PSMB7: variants seen among roughly 807,000 people sequenced by gnomAD.
The protein encoded by PSMB7 is proteasome 20S subunit beta 7.
A neutral mutation model predicts 28.1 loss-of-function variants in PSMB7; 5 were observed. The observed-to-expected ratio is 0.18, with a 90% CI of 0.09 to 0.37. PSMB7 has a LOEUF of 0.37. PSMB7 is among the 10% of genes least tolerant of loss of function. PSMB7 has a pLI of 1.00. For synonymous variants in PSMB7, 122 were observed against 123.7 expected (o/e 0.99, Z 0.09); for missense variants, 275 against 346.2 (o/e 0.79, Z 1.63).
At chr9:124,406,116 C>T (rs1215141769) in intron 4 of PSMB7, among the ~76,000 whole-genome samples, 1 of 152,194 alleles carries the variant, frequency 6.6e-6, no homozygotes, top group East Asian at 1.9e-4. Context: ...GCACTTTTCC[C>T]ATCACACCTC....
rs375425129 is a variant in PSMB7, at chr9:124,414,940, G to A, written c.63-5C>T. On this transcript the variant is annotated splice_polypyrimidine_tract_variant and splice_region_variant and intron_variant, in intron 1 of 7. Transcript: ENST00000259457. ...TCGGCTTCCAAGACGGCATTCCTAA[G>A]AGCAAATGAGAGAATCAAGTGTTGA... 27 of 1,598,310 alleles carry A rather than the reference G, an allele frequency of 1.7e-5. No individual in the cohort carries two copies. Among genetic ancestry groups the A allele is most frequent in the Non-Finnish European group, 2.3e-5 (27 of 1,167,382 alleles).
intron 5 of PSMB7, among the ~76,000 whole-genome samples, chr9:124,395,789 A>G (rs1203600887): frequency 6.6e-6 from 1 of 152,234 alleles, no homozygotes; most frequent in Non-Finnish European, 1.5e-5. Flanking sequence ...AGCTGGGACC[A>G]AAGCAAGGGC....
At chr9:124,370,346 A>T (rs1830548404) in intron 6 of PSMB7, among the ~76,000 whole-genome samples, 2 of 149,868 alleles carry the variant, frequency 1.3e-5, no homozygotes, top group Non-Finnish European at 2.9e-5. Flanking sequence ...CCTACACTTG[A>T]TATAGGCTGT....
At chr9:124,386,707 C>T (rs2147057) in intron 5 of PSMB7, among the ~76,000 whole-genome samples, 4,470 of 152,252 alleles carry the variant, frequency 0.029, 229 homozygotes, top group African/African-American at 0.1. Context: ...TAGGAGCTAA[C>T]AACTTGTGGA....
rs1830357456 is a variant in PSMB7, at chr9:124,353,588, C to G, written c.*10G>C. ...TTCCAGAACCGCGGCCAGCCACCCA[C>G]TGATGCCATTCAGGAAGTGTCCATT... On this transcript the variant is annotated 3_prime_UTR_variant, in exon 8 of 8. Transcript: ENST00000259457. The G allele has an allele frequency of 6.3e-7, 1 of 1,596,176 alleles. No homozygotes were observed. The highest frequency in any genetic ancestry group is 1.1e-5 in the South Asian group (1 of 90,700).
intron 6 of PSMB7, among the ~76,000 whole-genome samples, chr9:124,357,138 C>G (rs1016793887): frequency 6.6e-6 from 1 of 152,198 alleles, no homozygotes; most frequent in Non-Finnish European, 1.5e-5. Flanking sequence ...CGCCTCTTGA[C>G]CACATCAGAC....
intron 6 of PSMB7, among the ~76,000 whole-genome samples, chr9:124,372,397 T>C (rs924999450): frequency 1.3e-5 from 2 of 152,226 alleles, no homozygotes; most frequent in Non-Finnish European, 2.9e-5. Flanking sequence ...AAAGCCAATA[T>C]ACCATTTGTT....
chr9:124,405,287 T>C (rs1454169849), intron 5 of PSMB7, 30 bp downstream of exon 5: 2 of 1,481,092 alleles, frequency 1.4e-6, no homozygotes, highest in Non-Finnish European at 1.9e-6. Flanking sequence ...GTAAGAGTAC[T>C]CTTAAACATC....
intron 5 of PSMB7, among the ~76,000 whole-genome samples, chr9:124,393,960 A>G (rs1038094461): frequency 6.6e-6 from 1 of 152,236 alleles, no homozygotes; most frequent in African/African-American, 2.4e-5. Context: ...ACACCGGGAA[A>G]CCGAAGCTGA....
chr9:124,367,936 TC>T (rs1830523322), intron 6 of PSMB7, among the ~76,000 whole-genome samples: 1 of 152,228 alleles, frequency 6.6e-6, no homozygotes, highest in African/African-American at 2.4e-5. Flanking sequence ...ACTTAGTACT[TC>T]TTTTTCTCAA....
intron 6 of PSMB7, among the ~76,000 whole-genome samples, chr9:124,369,861 A>T (rs1265788524): frequency 6.6e-6 from 1 of 152,218 alleles, no homozygotes; most frequent in Non-Finnish European, 1.5e-5. Flanking sequence ...GATAGAGTCC[A>T]TCGGCTCCTC....
intron 4 of PSMB7, among the ~76,000 whole-genome samples, chr9:124,406,888 G>A (rs1830971673): frequency 6.6e-6 from 1 of 151,992 alleles, no homozygotes; most frequent in African/African-American, 2.4e-5. Context: ...GTGGGAGGCT[G>A]AGGCATGAGA....
chr9:124,381,167 A>G (rs1258384983), intron 6 of PSMB7, among the ~76,000 whole-genome samples: 1 of 152,222 alleles, frequency 6.6e-6, no homozygotes, highest in African/African-American at 2.4e-5. Context: ...GCAGCTAGAG[A>G]TGACGGGAAC....
intron 4 of PSMB7, among the ~76,000 whole-genome samples, chr9:124,409,674 T>G (rs958011948): frequency 1.3e-5 from 2 of 152,240 alleles, no homozygotes; most frequent in Non-Finnish European, 2.9e-5. Flanking sequence ...CTCTGTAGTA[T>G]GCAAGGTCAG....
At chr9:124,376,990 C>T (rs1235010467) in intron 6 of PSMB7, among the ~76,000 whole-genome samples, 1 of 152,212 alleles carries the variant, frequency 6.6e-6, no homozygotes, top group African/African-American at 2.4e-5. Flanking sequence ...ATTACGCTTT[C>T]AGATAAGAAG....
intron 5 of PSMB7, among the ~76,000 whole-genome samples, chr9:124,400,759 G>A (rs1023974068): frequency 5.9e-4 from 2 of 3,378 alleles, no homozygotes; most frequent in African/African-American, 8.0e-4. Flanking sequence ...AATTCTGGCC[G>A]AAACGTGTAC....
At chr9:124,408,149 C>T (rs1426139203) in intron 4 of PSMB7, among the ~76,000 whole-genome samples, 1 of 152,192 alleles carries the variant, frequency 6.6e-6, no homozygotes, top group Non-Finnish European at 1.5e-5. Context: ...GATCATGCCA[C>T]TGCACTCCAG....
chr9:124,380,947 T>C (rs796669184), intron 6 of PSMB7, among the ~76,000 whole-genome samples: 8 of 152,340 alleles, frequency 5.3e-5, no homozygotes, highest in African/African-American at 1.7e-4. Flanking sequence ...GTTTAAAAAA[T>C]AGAATTAGAT....
chr9:124,392,941 C>CA (rs1372618240), intron 5 of PSMB7, among the ~76,000 whole-genome samples: 1 of 152,132 alleles, frequency 6.6e-6, no homozygotes, highest in Non-Finnish European at 1.5e-5. Context: ...CTTTCTAATC[C>CA]ATCAGTGTCA....
Sources: gnomAD v4.1 joint callset for allele counts (sites outside exome capture counted in the v4.1 genomes callset) on GRCh38, gnomAD v4.1.1 for gene constraint, MANE v1.5 for transcripts, NCBI Gene and HGNC (gene_info 2026-07-23, HGNC 2026-07-21) for gene names.